Variants in MSI2 observed in about 807,000 individuals in gnomAD.
MSI2 encodes RNA-binding protein Musashi homolog 2.
A neutral mutation model predicts 45.6 loss-of-function variants in MSI2; 17 were observed. The ratio of observed to expected loss-of-function variants is 0.37; its 90% confidence interval spans 0.26 to 0.56. The LOEUF (loss-of-function observed/expected upper bound fraction) is 0.56, where lower values mean the gene tolerates loss of function less well. MSI2 is among the 20% of genes least tolerant of loss of function. The pLI, the probability that MSI2 is intolerant of heterozygous loss-of-function variation, is 0.77. For synonymous variants in MSI2, 156 were observed against 158.2 expected (o/e 0.99, Z 0.11); for missense variants, 293 against 444.2 (o/e 0.66, Z 3.06).
intron 5 of MSI2, among the ~76,000 whole-genome samples, chr17:57,396,961 C>T (rs1598213565): frequency 6.6e-6 from 1 of 152,170 alleles, no homozygotes. Flanking sequence ...ACTCACATAC[C>T]AAAATGTTAT....
At chr17:57,459,697 A>T (rs907423149) in intron 6 of MSI2, among the ~76,000 whole-genome samples, 6 of 152,150 alleles carry the variant, frequency 3.9e-5, no homozygotes, top group African/African-American at 7.2e-5. Flanking sequence ...ACATTTAACG[A>T]AAGTATGGCT....
At chr17:57,521,279 AG>A (rs2086578608) in intron 6 of MSI2, among the ~76,000 whole-genome samples, 1 of 152,210 alleles carries the variant, frequency 6.6e-6, no homozygotes, top group Non-Finnish European at 1.5e-5. Context: ...TCTGAACCCC[AG>A]GCCCAGCCCC....
intron 6 of MSI2, among the ~76,000 whole-genome samples, chr17:57,524,231 TC>T (rs1012360335): frequency 6.6e-6 from 1 of 152,028 alleles, no homozygotes; most frequent in African/African-American, 2.4e-5. Flanking sequence ...GGCATACTCT[TC>T]CCCCCACCGC....
At chr17:57,493,787 C>T (rs998129850) in intron 6 of MSI2, among the ~76,000 whole-genome samples, 2 of 152,054 alleles carry the variant, frequency 1.3e-5, no homozygotes, top group African/African-American at 2.4e-5. Flanking sequence ...CTTGCTCTTC[C>T]TCCCCTTGGA....
chr17:57,695,726 G>T, the MSI2 span, among the ~76,000 whole-genome samples: 1 of 152,098 alleles, frequency 6.6e-6, no homozygotes, highest in Admixed American at 6.5e-5. Context: ...TGCTGTGGTT[G>T]CCATAACAAA....
chr17:57,559,436 C>G (rs1021111011), intron 7 of MSI2, among the ~76,000 whole-genome samples: 25 of 152,216 alleles, frequency 1.6e-4, no homozygotes, highest in African/African-American at 6.0e-4. Context: ...TTGGCAATAC[C>G]AACTTCCCTA....
At chr17:57,343,662 A>C (rs980542801) in intron 5 of MSI2, among the ~76,000 whole-genome samples, 2 of 152,218 alleles carry the variant, frequency 1.3e-5, no homozygotes, top group African/African-American at 4.8e-5. Context: ...CAATTGCCCC[A>C]ATCTGTCCTT....
At chr17:57,375,971 A>AG (rs1481980732) in intron 5 of MSI2, among the ~76,000 whole-genome samples, 2 of 152,186 alleles carry the variant, frequency 1.3e-5, no homozygotes, top group Admixed American at 6.5e-5. Flanking sequence ...ACTTGTGTGC[A>AG]GCTGCTTGCT....
chr17:57,290,921 C>T (rs775252155), intron 5 of MSI2, among the ~76,000 whole-genome samples: 2 of 152,214 alleles, frequency 1.3e-5, no homozygotes, highest in African/African-American at 2.4e-5. Context: ...GTTCTGCCCA[C>T]GCTGGGGGGC....
At chr17:57,262,853 G>A (rs139685959) in intron 5 of MSI2, among the ~76,000 whole-genome samples, 38 of 152,302 alleles carry the variant, frequency 2.5e-4, no homozygotes, top group African/African-American at 8.2e-4. Context: ...GAAGTGTGTC[G>A]TTAACATAGT....
At chr17:57,607,321 G>A (rs904695183) in intron 8 of MSI2, among the ~76,000 whole-genome samples, 6 of 152,222 alleles carry the variant, frequency 3.9e-5, no homozygotes, top group African/African-American at 2.4e-5. Flanking sequence ...ACAGGTCTGG[G>A]CCATTTATAA....
At chr17:57,402,968 C>T (rs2084020180) in intron 6 of MSI2, among the ~76,000 whole-genome samples, 1 of 152,222 alleles carries the variant, frequency 6.6e-6, no homozygotes, top group Non-Finnish European at 1.5e-5. Flanking sequence ...CACCCAGCCC[C>T]ACCCTGCCTA....
intron 6 of MSI2, among the ~76,000 whole-genome samples, chr17:57,480,985 G>A (rs1428726602): frequency 6.6e-6 from 1 of 152,182 alleles, no homozygotes; most frequent in Non-Finnish European, 1.5e-5. Context: ...ACTGGAGATG[G>A]CATTGATAAG....
intron 5 of MSI2, among the ~76,000 whole-genome samples, chr17:57,387,402 T>A (rs2083705020): frequency 6.6e-6 from 1 of 152,172 alleles, no homozygotes; most frequent in Non-Finnish European, 1.5e-5. Flanking sequence ...GTTCCTGGCA[T>A]GTGGAGAGCA....
intron 5 of MSI2, among the ~76,000 whole-genome samples, chr17:57,364,573 A>G (rs541935610): frequency 6.6e-6 from 1 of 152,312 alleles, no homozygotes; most frequent in Non-Finnish European, 1.5e-5. Context: ...TGCTTCTCTA[A>G]TGGGCTTGTG....
intron 5 of MSI2, among the ~76,000 whole-genome samples, chr17:57,317,297 G>C: frequency 6.6e-6 from 1 of 152,132 alleles, no homozygotes. Context: ...AGATGATGAC[G>C]ATGCCTGGAG....
chr17:57,517,994 G>A (rs1171161688), intron 6 of MSI2, among the ~76,000 whole-genome samples: 1 of 152,160 alleles, frequency 6.6e-6, no homozygotes, highest in Non-Finnish European at 1.5e-5. Context: ...TCAGACAAAA[G>A]AGCTTTAATA....
At chr17:57,349,438 G>C (rs1915851724) in intron 5 of MSI2, among the ~76,000 whole-genome samples, 3 of 152,154 alleles carry the variant, frequency 2.0e-5, no homozygotes, top group Admixed American at 2.0e-4. Flanking sequence ...CACAGTTGAG[G>C]AGTAACGTTT....
chr17:57,365,426 G>T (rs187494633), intron 5 of MSI2, among the ~76,000 whole-genome samples: 11 of 152,332 alleles, frequency 7.2e-5, no homozygotes, highest in Admixed American at 2.0e-4. Flanking sequence ...GGTGAAGGAA[G>T]ACACTATTCC....
Sources: gnomAD v4.1 joint callset for allele counts (sites outside exome capture counted in the v4.1 genomes callset) on GRCh38, gnomAD v4.1.1 for gene constraint, MANE v1.5 for transcripts, NCBI Gene and HGNC (gene_info 2026-07-23, HGNC 2026-07-21) for gene names.